CBFA2T2: variants seen among roughly 807,000 people sequenced by gnomAD.
CBFA2T2 encodes protein CBFA2T2.
A neutral mutation model predicts 62.2 loss-of-function variants in CBFA2T2; 11 were observed. The observed-to-expected ratio is 0.18, with a 90% CI of 0.11 to 0.29. The LOEUF (loss-of-function observed/expected upper bound fraction) is 0.29, where lower values mean the gene tolerates loss of function less well. Among genes scored for constraint, CBFA2T2 ranks in the 10% least tolerant of loss-of-function variants. The pLI is 1.00. For missense variants in CBFA2T2, 592 were observed against 774.1 expected (o/e 0.76, Z 2.79); for synonymous variants, 295 against 287.5 (o/e 1.03, Z -0.27).
intron 1 of CBFA2T2, among the ~76,000 whole-genome samples, chr20:33,559,921 A>C (rs1032227975): frequency 2.6e-5 from 4 of 152,166 alleles, no homozygotes; most frequent in Admixed American, 1.3e-4. Flanking sequence ...TGTTATGACA[A>C]GTTTTGTACA....
chr20:33,579,455 T>A (rs939290804), intron 1 of CBFA2T2, among the ~76,000 whole-genome samples: 1 of 152,118 alleles, frequency 6.6e-6, no homozygotes, highest in African/African-American at 2.4e-5. Context: ...ATTTTATGGT[T>A]TGTGCTTTTT....
intron 10 of CBFA2T2, among the ~76,000 whole-genome samples, chr20:33,642,116 TTGTGTGTGTG>T (rs869240464): frequency 0.012 from 704 of 59,008 alleles, 8 homozygotes; most frequent in African/African-American, 0.038. Flanking sequence ...TTTTTTTTTT[TTGTGTGTGTG>T]TGTGTGTGTG....
chr20:33,509,601 G>C (rs1249965439), intron 1 of CBFA2T2, among the ~76,000 whole-genome samples: 1 of 152,106 alleles, frequency 6.6e-6, no homozygotes, highest in Non-Finnish European at 1.5e-5. Flanking sequence ...GCCGAGGTGG[G>C]TGGATCATTT....
At chr20:33,505,106 G>T (rs2011379079) in intron 1 of CBFA2T2, among the ~76,000 whole-genome samples, 1 of 152,152 alleles carries the variant, frequency 6.6e-6, no homozygotes, top group South Asian at 2.1e-4. Context: ...TAAGGAGATT[G>T]GTTCGGGTAA....
intron 1 of CBFA2T2, among the ~76,000 whole-genome samples, chr20:33,565,266 T>G (rs977173668): frequency 1.1e-4 from 16 of 152,190 alleles, no homozygotes; most frequent in African/African-American, 3.9e-4. Flanking sequence ...TTGTAAAAAT[T>G]TGGGGGCATC....
chr20:33,536,453 GGGGC>G (rs2012239823), intron 1 of CBFA2T2, among the ~76,000 whole-genome samples: 1 of 149,296 alleles, frequency 6.7e-6, no homozygotes, highest in African/African-American at 2.5e-5. Flanking sequence ...CCTCCCGGAC[GGGGC>G]GGCTGGCCTG....
intron 1 of CBFA2T2, among the ~76,000 whole-genome samples, chr20:33,554,166 TG>T (rs1247031914): frequency 6.6e-6 from 1 of 152,142 alleles, no homozygotes; most frequent in East Asian, 1.9e-4. Context: ...TCCAGGTTGC[TG>T]TTTGCAGAAC....
At chr20:33,503,636 TTATC>T (rs1409932730) in intron 1 of CBFA2T2, among the ~76,000 whole-genome samples, 1 of 152,156 alleles carries the variant, frequency 6.6e-6, no homozygotes, top group Non-Finnish European at 1.5e-5. Context: ...GTTTATTTAT[TTATC>T]TTTTTTTCTT....
rs370753277 is a variant in CBFA2T2 at position 33,519,869 on chromosome 20, G to A, written c.34+29568G>A. Among the ~76,000 whole-genome samples the A allele has an allele frequency of 7.2e-5, 11 of 152,214 alleles. No individual in the cohort carries two copies. The South Asian group carries it at 1.9e-3, about 26-fold the overall frequency. ...CCATCTAAATCTAGTTGGCTGAGCC[G>A]GGCACGGTGGCTCACGCCTGTAATA... is the stretch of plus-strand genomic sequence containing the variant. On this transcript the variant is annotated intron_variant, in intron 1 of 10. Coordinates refer to ENST00000342704, the MANE Select transcript of CBFA2T2 (RefSeq NM_001032999.3).
At chr20:33,631,024 C>T (rs1568866174) in intron 8 of CBFA2T2, among the ~76,000 whole-genome samples, 1 of 152,146 alleles carries the variant, frequency 6.6e-6, no homozygotes, top group Non-Finnish European at 1.5e-5. Context: ...CGTAAAAACT[C>T]GAAAAACAGG....
At chr20:33,542,771 A>G (rs1487146766) in intron 1 of CBFA2T2, among the ~76,000 whole-genome samples, 1 of 152,072 alleles carries the variant, frequency 6.6e-6, no homozygotes, top group South Asian at 2.1e-4. Flanking sequence ...TCCCAGGCTC[A>G]AGTGGTCCTC....
chr20:33,593,342 CA>C lies in CBFA2T2; in HGVS notation c.35-13606del, dbSNP rs200276034. The stretch of plus-strand genomic sequence containing the variant: ...GAGATTCCGTCTCAAAAACAAAAAA[CA>C]AAAAAAACCTATTACATAATAAACT... On this transcript the variant is annotated intron_variant, in intron 1 of 10. Coordinates refer to ENST00000342704, the MANE Select transcript of CBFA2T2 (RefSeq NM_001032999.3). 9.7e-3 allele frequency among the ~76,000 whole-genome samples: 1,413 copies of C among 146,170 alleles called. 11 individuals carry two copies. The highest frequency in any genetic ancestry group is 0.013 in the Non-Finnish European group (845 of 66,486).
chr20:33,602,785 C>A (rs992098374), intron 1 of CBFA2T2, among the ~76,000 whole-genome samples: 1 of 152,164 alleles, frequency 6.6e-6, no homozygotes, highest in Non-Finnish European at 1.5e-5. Context: ...TCTGCCTTTT[C>A]ACTTAGTACT....
At chr20:33,636,236 G>T (rs2016626103) in intron 8 of CBFA2T2, among the ~76,000 whole-genome samples, 1 of 144,090 alleles carries the variant, frequency 6.9e-6, no homozygotes, top group Admixed American at 7.1e-5. Flanking sequence ...TCCAGCCTGG[G>T]TGACAGAGTG....
chr20:33,624,357 A>G (rs377571892), intron 5 of CBFA2T2, among the ~76,000 whole-genome samples: 1 of 151,778 alleles, frequency 6.6e-6, no homozygotes, highest in African/African-American at 2.4e-5. Context: ...AAAAGACACA[A>G]TTGGATTTGT....
chr20:33,562,774 T>C (rs892598632), intron 1 of CBFA2T2: 3 of 638,836 alleles, frequency 4.7e-6, no homozygotes, highest in Admixed American at 1.3e-4. Context: ...GAATGTTTCT[T>C]GGTATTTGAT....
chr20:33,576,415 C>T (rs1229795876), intron 1 of CBFA2T2, among the ~76,000 whole-genome samples: 1 of 152,216 alleles, frequency 6.6e-6, no homozygotes, highest in Admixed American at 6.5e-5. Context: ...TCAGTCTCCA[C>T]TATACTATAG....
chr20:33,611,043 G>C (rs185098387), intron 2 of CBFA2T2, 51 bp from the exon 3 acceptor site: 31 of 1,598,904 alleles, frequency 1.9e-5, no homozygotes, highest in Non-Finnish European at 2.6e-5. Context: ...ATGAACAAAG[G>C]TTCCCTTGTT....
chr20:33,570,490 GA>G (rs1297677541), intron 1 of CBFA2T2, among the ~76,000 whole-genome samples: 1 of 152,140 alleles, frequency 6.6e-6, no homozygotes, highest in African/African-American at 2.4e-5. Flanking sequence ...GAAAGGTAGG[GA>G]AGTCAGTAAA....
Sources: allele counts gnomAD v4.1 joint callset (sites outside exome capture counted in the v4.1 genomes callset), GRCh38; gene constraint gnomAD v4.1.1; transcripts MANE v1.5; gene names NCBI Gene and HGNC (gene_info 2026-07-23, HGNC 2026-07-21).